The following PSD3 variants were observed in gnomAD, a reference collection of about 807,000 sequenced individuals.
PSD3 encodes the protein pleckstrin and Sec7 domain containing 3.
PSD3 carries 49 observed loss-of-function variants against 105.5 expected under a neutral mutation model. That is an observed-to-expected ratio of 0.46 (90% CI 0.37 to 0.59). The LOEUF (loss-of-function observed/expected upper bound fraction) is 0.59, where lower values mean the gene tolerates loss of function less well. Among genes scored for constraint, PSD3 ranks in the 20% least tolerant of loss-of-function variants. The pLI is 0.00. For missense variants in PSD3, 1,561 were observed against 1,263.8 expected (o/e 1.24, Z -3.57); for synonymous variants, 557 against 457.8 (o/e 1.22, Z -2.77).
At chr8:18,868,837 A>G (rs777282766) in intron 3 of PSD3, among the ~76,000 whole-genome samples, 86 of 152,234 alleles carry the variant, frequency 5.6e-4, no homozygotes, top group Non-Finnish European at 8.1e-4. Flanking sequence ...ACTAAGAGCA[A>G]GAGGTCAAGA....
intron 12 of PSD3, among the ~76,000 whole-genome samples, chr8:18,592,816 C>T (rs1303656436): frequency 6.6e-6 from 1 of 152,088 alleles, no homozygotes; most frequent in Non-Finnish European, 1.5e-5. Context: ...AGAAATAACA[C>T]CACCCATCTA....
At chr8:18,891,275 C>G (rs540095546) in intron 2 of PSD3, among the ~76,000 whole-genome samples, 3 of 152,226 alleles carry the variant, frequency 2.0e-5, no homozygotes, top group African/African-American at 7.2e-5. Context: ...AATCAAATGG[C>G]TCCTTATAAT....
intron 2 of PSD3, among the ~76,000 whole-genome samples, chr8:18,931,881 A>C (rs573835001): frequency 6.6e-6 from 1 of 152,178 alleles, no homozygotes; most frequent in Non-Finnish European, 1.5e-5. Context: ...CCAATCTGAG[A>C]GTTGGTTTTC....
intron 9 of PSD3, among the ~76,000 whole-genome samples, chr8:18,735,105 T>C (rs1241331348): frequency 6.6e-6 from 1 of 152,168 alleles, no homozygotes; most frequent in African/African-American, 2.4e-5. Context: ...TGTTGATTAA[T>C]CCTACATTCA....
At chr8:19,003,679 T>G (rs993569529) in intron 1 of PSD3, among the ~76,000 whole-genome samples, 10 of 151,494 alleles carry the variant, frequency 6.6e-5, no homozygotes, top group African/African-American at 2.2e-4. Flanking sequence ...GGTGGCAACT[T>G]TACAACTTGA....
At chr8:18,764,607 A>G (rs1806814336) in intron 9 of PSD3, among the ~76,000 whole-genome samples, 2 of 152,202 alleles carry the variant, frequency 1.3e-5, no homozygotes, top group African/African-American at 4.8e-5. Flanking sequence ...GTTACATAAA[A>G]CACAACAAAG....
chr8:18,834,772 G>A (rs893819972), intron 4 of PSD3, among the ~76,000 whole-genome samples: 1 of 152,190 alleles, frequency 6.6e-6, no homozygotes, highest in Non-Finnish European at 1.5e-5. Flanking sequence ...GAGAGAAGCA[G>A]ACCCTTCAGT....
At chr8:18,713,100 A>G (rs1467668214) in intron 9 of PSD3, among the ~76,000 whole-genome samples, 1 of 152,218 alleles carries the variant, frequency 6.6e-6, no homozygotes, top group East Asian at 1.9e-4. Context: ...CATGTTAAAA[A>G]TTCTGAATAA....
Position 18,925,406 on chromosome 8 carries a change from T to C in PSD3, c.130+10628A>G, listed in dbSNP as rs973491587. Among the ~76,000 whole-genome samples, 85 of 151,154 alleles carry C rather than the reference T, an allele frequency of 5.6e-4. 1 individual carries two copies. Among genetic ancestry groups the C allele is most frequent in the African/African-American group, 1.2e-3 (50 of 41,074 alleles). On this transcript the variant is annotated intron_variant, in intron 2 of 15. Transcript: ENST00000327040. The stretch of plus-strand genomic sequence containing the variant: ...CTCTAAAAGTATATATATATATATA[T>C]ACACACACACACATATACATATAAT...
intron 1 of PSD3, among the ~76,000 whole-genome samples, chr8:19,006,592 C>A (rs1002269727): frequency 6.6e-6 from 1 of 152,038 alleles, no homozygotes; most frequent in Admixed American, 6.6e-5. Context: ...CTGGAGCCTG[C>A]GAATGTGACT....
intron 1 of PSD3, among the ~76,000 whole-genome samples, chr8:18,995,223 G>C (rs1167664979): frequency 6.6e-6 from 1 of 152,078 alleles, no homozygotes; most frequent in African/African-American, 2.4e-5. Context: ...CAGAGGTCTA[G>C]GACAAATATG....
In PSD3 at chr8:18,816,120, G is replaced by A. The variant is rs147558042; in HGVS notation, c.1635-11222C>T. ...TGGGGCTATGGGATTAACAGGGGAC[G>A]TTTCCACTCTTTAGTACCCAATATG... On this transcript the variant is annotated intron_variant, in intron 4 of 15. Transcript: ENST00000327040. Among the ~76,000 whole-genome samples, 1,080 of 152,190 alleles carry A rather than the reference G, an allele frequency of 7.1e-3. 11 individuals are homozygous for A. The highest frequency in any genetic ancestry group is 0.025 in the African/African-American group (1,032 of 41,508).
At position 18,535,840 on chromosome 8, in the gene PSD3, G is replaced by C; in HGVS notation, c.3047C>G (p.Pro1016Arg). 1 of 1,614,072 alleles carries C rather than the reference G, an allele frequency of 6.2e-7. No homozygotes were observed. The highest frequency in any genetic ancestry group is 1.3e-5 in the African/African-American group (1 of 75,014). The change falls in exon 16 of 16, where the codon CCG becomes CGG. Residue 1016 changes from proline to arginine, a missense_variant. Transcript: ENST00000327040. ...TTTGGCAGTGATTGGAGAAGTATCC[G>C]GGTTCAGCGAAGGACTCGAGTGCGA... ...KKSHSSPSLN[P>R]DTSPITAKVK...
At chr8:19,083,777 A>G (rs1306670047) in intron 1 of PSD3, among the ~76,000 whole-genome samples, 1 of 152,152 alleles carries the variant, frequency 6.6e-6, no homozygotes, top group African/African-American at 2.4e-5. Flanking sequence ...TCACATCTCC[A>G]TCCCCTCATC....
At position 18,536,527 on chromosome 8, in the gene PSD3, C is replaced by T. The variant is rs552170463; in HGVS notation, c.2929-569G>A. 1.5e-4 allele frequency among the ~76,000 whole-genome samples: 23 copies of T among 152,318 alleles called. No homozygotes were observed. In the South Asian group the frequency reaches 1.9e-3, roughly 12 times the overall value. ...CTAGAAGCTGCTCTGGGTTTCCCTC[C>T]GTTGCTTTTCTGCAAGGATTACCCA... On this transcript the variant is annotated intron_variant, in intron 15 of 15. Coordinates refer to ENST00000327040, the MANE Select transcript of PSD3 (RefSeq NM_015310.4).
At chr8:19,022,406 G>A (rs1278678029) in intron 1 of PSD3, among the ~76,000 whole-genome samples, 1 of 152,182 alleles carries the variant, frequency 6.6e-6, no homozygotes, top group Non-Finnish European at 1.5e-5. Flanking sequence ...TGGACCCCAA[G>A]AAGATAGACT....
At chr8:18,879,086 A>ACACACACG (rs1448873507) in intron 2 of PSD3, among the ~76,000 whole-genome samples, 1 of 111,166 alleles carries the variant, frequency 9.0e-6, no homozygotes, top group Non-Finnish European at 1.9e-5. Context: ...ACACACACAC[A>ACACACACG]CGCACACACA....
intron 9 of PSD3, among the ~76,000 whole-genome samples, chr8:18,755,796 G>C (rs538708797): frequency 1.3e-5 from 2 of 150,478 alleles, no homozygotes; most frequent in Admixed American, 1.3e-4. Flanking sequence ...CATGATTTGT[G>C]GATCTTCAGT....
At chr8:19,008,330 T>C (rs1826793585) in intron 1 of PSD3, among the ~76,000 whole-genome samples, 2 of 152,212 alleles carry the variant, frequency 1.3e-5, no homozygotes, top group Non-Finnish European at 2.9e-5. Context: ...TTGCACCTTG[T>C]AGGGACATGA....
Sources: allele counts gnomAD v4.1 joint callset (sites outside exome capture counted in the v4.1 genomes callset), GRCh38; gene constraint gnomAD v4.1.1; transcripts MANE v1.5; gene names NCBI Gene and HGNC (gene_info 2026-07-23, HGNC 2026-07-21).